GMDS: variants seen among roughly 807,000 people sequenced by gnomAD.
GMDS encodes GDP-mannose 4,6 dehydratase.
In GMDS, 20 loss-of-function variants were observed where a neutral mutation model predicts 49.9. The observed-to-expected ratio is 0.40, with a 90% CI of 0.28 to 0.58. The LOEUF is 0.58. GMDS is among the 20% of genes least tolerant of loss of function. GMDS has a pLI of 0.42. For synonymous variants in GMDS, 177 were observed against 178.6 expected, an observed-to-expected ratio of 0.99 and a Z score of 0.07; for missense variants, 362 against 481.4, an observed-to-expected ratio of 0.75 and a Z score of 2.32.
At chr6:1,677,119 G>A (rs904976641) in intron 9 of GMDS, among the ~76,000 whole-genome samples, 126 of 152,302 alleles carry the variant, frequency 8.3e-4, no homozygotes, top group South Asian at 1.7e-3. Flanking sequence ...AGTGGGCAAA[G>A]GATACGAACA....
intron 1 of GMDS, among the ~76,000 whole-genome samples, chr6:2,204,092 TGATAGGGTTAGG>T (rs1779676918): frequency 6.6e-6 from 1 of 152,194 alleles, no homozygotes; most frequent in South Asian, 2.1e-4. Flanking sequence ...GTCTTTATTT[TGATAGGGTTAGG>T]GATAGGGTTA....
chr6:1,628,859 T>C (rs1230761757), intron 9 of GMDS, among the ~76,000 whole-genome samples: 3 of 152,236 alleles, frequency 2.0e-5, no homozygotes, highest in Non-Finnish European at 4.4e-5. Context: ...ATATTCTTTT[T>C]TTCCCTTCTA....
intron 1 of GMDS, among the ~76,000 whole-genome samples, chr6:2,169,168 G>C (rs1777817178): frequency 6.6e-6 from 1 of 152,138 alleles, no homozygotes; most frequent in Admixed American, 6.5e-5. Flanking sequence ...CCCAACATGA[G>C]TCAGGGACAA....
rs567476600 is a variant in GMDS, at chr6:1,833,409, T to C, written c.772-90823A>G. Among the ~76,000 whole-genome samples the C allele has an allele frequency of 4.6e-5, 7 of 152,096 alleles. No homozygotes were observed. In the South Asian group the frequency reaches 1.5e-3, roughly 32 times the overall value. On this transcript the variant is annotated intron_variant, in intron 7 of 10. Transcript: ENST00000380815. This position sits in a 1 kb window ranked among gnomAD's most constrained non-coding sequence, Gnocchi z 4.4. ...TGTCCTCAGAGACCAAGCAGAGTGA[T>C]TCACTATTTCATGGCACAATGAGGG...
chr6:1,756,244 T>C (rs540215954), intron 7 of GMDS, among the ~76,000 whole-genome samples: 3 of 151,454 alleles, frequency 2.0e-5, no homozygotes, highest in African/African-American at 7.3e-5. Flanking sequence ...CAAAGCTTCA[T>C]GGCTGCAGCC....
intron 9 of GMDS, among the ~76,000 whole-genome samples, chr6:1,702,132 G>A (rs949391501): frequency 3.9e-5 from 6 of 152,232 alleles, no homozygotes; most frequent in African/African-American, 7.2e-5. Flanking sequence ...CAGAGCTGGC[G>A]GTTTTCTCAG....
intron 7 of GMDS, among the ~76,000 whole-genome samples, chr6:1,768,730 C>G (rs1235315166): frequency 6.6e-6 from 1 of 152,190 alleles, no homozygotes; most frequent in Non-Finnish European, 1.5e-5. Context: ...CTCCAAAACC[C>G]AAAACATTTC....
intron 7 of GMDS, among the ~76,000 whole-genome samples, chr6:1,825,916 T>C (rs1001355926): frequency 6.6e-6 from 1 of 152,160 alleles, no homozygotes; most frequent in African/African-American, 2.4e-5. Flanking sequence ...CTTGGGTGGC[T>C]GAGGCACGAG....
chr6:1,713,790 G>A (rs528029081), intron 9 of GMDS, among the ~76,000 whole-genome samples: 13 of 152,046 alleles, frequency 8.6e-5, no homozygotes, highest in South Asian at 2.1e-4. Flanking sequence ...TCTGATCCAC[G>A]GGCCTATCTG....
chr6:1,696,681 AG>A (rs1331614571), intron 9 of GMDS, among the ~76,000 whole-genome samples: 1 of 152,242 alleles, frequency 6.6e-6, no homozygotes, highest in East Asian at 1.9e-4. Flanking sequence ...AGGGGTTAAA[AG>A]ATGACCTGAT....
At chr6:2,185,510 T>A (rs1444215097) in intron 1 of GMDS, among the ~76,000 whole-genome samples, 2 of 152,182 alleles carry the variant, frequency 1.3e-5, no homozygotes, top group East Asian at 1.9e-4. Context: ...GAGTTAAACA[T>A]CTTCAACGAG....
chr6:2,041,775 T>C (rs561489598), intron 4 of GMDS, among the ~76,000 whole-genome samples: 6 of 152,250 alleles, frequency 3.9e-5, no homozygotes, highest in Admixed American at 2.6e-4. Context: ...TAAAAACACA[T>C]AAATTTGGAA....
intron 7 of GMDS, among the ~76,000 whole-genome samples, chr6:1,826,827 G>C (rs530007142): frequency 6.6e-6 from 1 of 152,220 alleles, no homozygotes; most frequent in Non-Finnish European, 1.5e-5. Flanking sequence ...AGTGTTTAGA[G>C]AGGCTGAGGT....
At chr6:2,132,995 T>A (rs888476571) in intron 1 of GMDS, among the ~76,000 whole-genome samples, 5 of 152,052 alleles carry the variant, frequency 3.3e-5, no homozygotes, top group African/African-American at 1.2e-4. Context: ...TGATGAAAAA[T>A]AAAATTAGAG....
rs1456162509 is a variant in GMDS, at chr6:1,766,607, G to A, written c.772-24021C>T. On this transcript the variant is annotated intron_variant, in intron 7 of 10. Coordinates refer to ENST00000380815, the MANE Select transcript of GMDS (RefSeq NM_001500.4). The surrounding 1 kb of genome is among the most constrained non-coding windows in gnomAD (Gnocchi z 4.5). ...TGGGCCTCGCTACTCCAGTGCCTCC[G>A]GAGCCCAGGGAAGCTCACCTCAGGC... Among the ~76,000 whole-genome samples the A allele has an allele frequency of 6.6e-6, 1 of 152,076 alleles. No individual in the cohort carries two copies. The highest frequency in any genetic ancestry group is 1.5e-5 in the Non-Finnish European group (1 of 68,008).
Position 1,748,160 on chromosome 6 carries a change from C to G in GMDS, c.772-5574G>C, listed in dbSNP as rs1040446859. 5.3e-5 allele frequency among the ~76,000 whole-genome samples: 8 copies of G among 152,164 alleles called. 1 individual carries two copies. The highest frequency in any genetic ancestry group is 5.2e-4 in the Admixed American group (8 of 15,280). On this transcript the variant is annotated intron_variant, in intron 7 of 10. Coordinates refer to ENST00000380815, the MANE Select transcript of GMDS (RefSeq NM_001500.4). ...AAACTCCAGGTTGGGGTTAATGTTTCTCTTCCCTAGAAACAATATAAAATC... is the reference window on the plus strand; with the variant it reads ...AAACTCCAGGTTGGGGTTAATGTTTGTCTTCCCTAGAAACAATATAAAATC...
At chr6:1,894,074 A>T (rs1422867174) in intron 7 of GMDS, among the ~76,000 whole-genome samples, 1 of 152,192 alleles carries the variant, frequency 6.6e-6, no homozygotes, top group Non-Finnish European at 1.5e-5. Flanking sequence ...TATTTAATTA[A>T]CTAATCACAG....
intron 4 of GMDS, among the ~76,000 whole-genome samples, chr6:2,013,726 A>G (rs1561974837): frequency 6.6e-6 from 1 of 151,950 alleles, no homozygotes; most frequent in African/African-American, 2.4e-5. Context: ...GCAAACTACA[A>G]TGCAGAGAAA....
chr6:1,721,816 G>A (rs1377230581), intron 9 of GMDS, among the ~76,000 whole-genome samples: 1 of 152,070 alleles, frequency 6.6e-6, no homozygotes, highest in Non-Finnish European at 1.5e-5. Flanking sequence ...TAGGTCAATA[G>A]TAGTTTTCTC....
Sources: gnomAD v4.1 joint callset for allele counts (sites outside exome capture counted in the v4.1 genomes callset) on GRCh38, gnomAD v4.1.1 for gene constraint, Gnocchi (gnomAD v3.1) non-coding constraint, MANE v1.5 for transcripts, NCBI Gene and HGNC (gene_info 2026-07-23, HGNC 2026-07-21) for gene names.